Variants in SORCS2 observed in about 807,000 individuals in gnomAD.
SORCS2 encodes VPS10 domain-containing receptor SorCS2.
SORCS2 carries 100 observed loss-of-function variants against 141.6 expected under a neutral mutation model. The ratio of observed to expected loss-of-function variants is 0.71; its 90% confidence interval spans 0.60 to 0.83. SORCS2 has a LOEUF of 0.83. Among genes scored for constraint, SORCS2 ranks in the 40% least tolerant of loss-of-function variants. SORCS2 has a pLI of 0.00. For synonymous variants in SORCS2, 789 were observed against 676.9 expected, an observed-to-expected ratio of 1.17 and a Z score of -2.57; for missense variants, 1,646 against 1,560.2, an observed-to-expected ratio of 1.05 and a Z score of -0.93.
intron 3 of SORCS2, among the ~76,000 whole-genome samples, chr4:7,613,619 C>T (rs1718566040): frequency 1.3e-5 from 2 of 152,150 alleles, no homozygotes; most frequent in African/African-American, 4.8e-5. Context: ...AAGAATGACC[C>T]GTGGAGACAC....
chr4:7,263,622 G>C (rs1714514934), intron 1 of SORCS2, among the ~76,000 whole-genome samples: 1 of 152,238 alleles, frequency 6.6e-6, no homozygotes, highest in Non-Finnish European at 1.5e-5. Context: ...GCTGGCTTCA[G>C]CTAAGCCCGT....
chr4:7,694,115 G>C (rs1724442629), intron 11 of SORCS2, among the ~76,000 whole-genome samples: 1 of 152,200 alleles, frequency 6.6e-6, no homozygotes, highest in Non-Finnish European at 1.5e-5. Flanking sequence ...GTGTGGCTTT[G>C]CTCTGTTTTC....
intron 2 of SORCS2, among the ~76,000 whole-genome samples, chr4:7,459,109 G>T (rs764837734): frequency 6.6e-6 from 1 of 152,124 alleles, no homozygotes; most frequent in East Asian, 1.9e-4. Flanking sequence ...TGTGCGCAAA[G>T]GTGTGGCCCT....
Position 7,704,232 on chromosome 4 carries a change from G to C in SORCS2, c.1816G>C (p.Val606Leu). Reference sequence around the variant, plus strand: ...CACGCACAACTTCACCAGCACCTCGGTGTTTGTGGACGGGCTGCTGAGTGA... The same window carrying C: ...CACGCACAACTTCACCAGCACCTCGCTGTTTGTGGACGGGCTGCTGAGTGA... ...WSTHNFTSTS[V>L]FVDGLLSEPG... Residue 606 changes from valine to leucine, a missense_variant, in exon 14 of 27, where the codon GTG becomes CTG. By Grantham distance (32) the Val-to-Leu change is conservative. Transcript: ENST00000507866. 6.2e-7 allele frequency: 1 copy of C among 1,613,230 alleles called. No homozygotes were observed. The highest frequency in any genetic ancestry group is 8.5e-7 in the Non-Finnish European group (1 of 1,179,680).
chr4:7,493,936 T>G (rs577667598), intron 2 of SORCS2, among the ~76,000 whole-genome samples: 1 of 152,302 alleles, frequency 6.6e-6, no homozygotes, highest in African/African-American at 2.4e-5. Flanking sequence ...CACAAGCCTT[T>G]TAGTTTCCAT....
At position 7,356,602 on chromosome 4, in the gene SORCS2, C is replaced by T. The variant is rs73077897; in HGVS notation, c.481-39686C>T. ...TGACTACTTCTGCACCCACTCACCCCACAAAGCCCTCACCTCCAAATACCG... is the reference window on the plus strand; with the variant it reads ...TGACTACTTCTGCACCCACTCACCCTACAAAGCCCTCACCTCCAAATACCG... On this transcript the variant is annotated intron_variant, in intron 1 of 26. Coordinates refer to ENST00000507866, the MANE Select transcript of SORCS2 (RefSeq NM_020777.3). 5.4e-3 allele frequency among the ~76,000 whole-genome samples: 820 copies of T among 152,336 alleles called. 9 individuals are homozygous for T. The highest frequency in any genetic ancestry group is 0.019 in the African/African-American group (784 of 41,574).
At chr4:7,462,381 G>A (rs972140410) in intron 2 of SORCS2, among the ~76,000 whole-genome samples, 4 of 152,154 alleles carry the variant, frequency 2.6e-5, no homozygotes, top group Admixed American at 1.3e-4. Flanking sequence ...ATCTAAAGAC[G>A]GGCTTCGGGA....
intron 1 of SORCS2, among the ~76,000 whole-genome samples, chr4:7,377,307 A>C (rs912360088): frequency 5.3e-5 from 8 of 151,900 alleles, no homozygotes; most frequent in African/African-American, 1.7e-4. Flanking sequence ...TACAGCTTCG[A>C]ATGTTGACAA....
At chr4:7,572,790 T>A (rs1715489055) in intron 3 of SORCS2, among the ~76,000 whole-genome samples, 2 of 152,258 alleles carry the variant, frequency 1.3e-5, no homozygotes, top group Admixed American at 1.3e-4. Context: ...GTTGCATTTT[T>A]AATGTTTTTA....
intron 7 of SORCS2, among the ~76,000 whole-genome samples, chr4:7,665,237 C>A (rs1342593658): frequency 1.3e-5 from 2 of 152,194 alleles, no homozygotes; most frequent in South Asian, 4.1e-4. Flanking sequence ...CACTTGGTCA[C>A]CCCAGCAGCC....
intron 1 of SORCS2, among the ~76,000 whole-genome samples, chr4:7,268,891 C>T (rs758335450): frequency 6.6e-6 from 1 of 151,868 alleles, no homozygotes; most frequent in Non-Finnish European, 1.5e-5. Context: ...GGCTGATACT[C>T]AGGGCATTTT....
At chr4:7,434,426 G>A (rs1367682220) in intron 2 of SORCS2, 1 of 1,608,874 alleles carries the variant, frequency 6.2e-7, no homozygotes, top group Non-Finnish European at 8.5e-7. Flanking sequence ...TTGGAGAGTG[G>A]CCTCAGGGTG....
At chr4:7,472,889 C>G (rs940850148) in intron 2 of SORCS2, among the ~76,000 whole-genome samples, 34 of 151,058 alleles carry the variant, frequency 2.3e-4, no homozygotes, top group African/African-American at 7.5e-4. Flanking sequence ...AAATCACAGC[C>G]TGAGTGGATG....
chr4:7,676,283 C>A, intron 9 of SORCS2, 54 bp downstream of exon 9: 1 of 1,522,092 alleles, frequency 6.6e-7, no homozygotes. Context: ...TGCCCTCTGC[C>A]CTCTCACCCC....
chr4:7,625,867 G>A (rs755425862), intron 3 of SORCS2, among the ~76,000 whole-genome samples: 9 of 149,114 alleles, frequency 6.0e-5, no homozygotes, highest in South Asian at 4.2e-4. Flanking sequence ...GGCTGGGCGC[G>A]GTGGCTCACA....
At chr4:7,308,594 T>C (rs1258447294) in intron 1 of SORCS2, among the ~76,000 whole-genome samples, 1 of 152,106 alleles carries the variant, frequency 6.6e-6, no homozygotes, top group Non-Finnish European at 1.5e-5. Flanking sequence ...TTGGAGTTGA[T>C]ATTGCAGACA....
Position 7,714,396 on chromosome 4 carries a change from C to T in SORCS2, c.2123+23C>T, listed in dbSNP as rs149018581. On this transcript the variant is annotated intron_variant, in intron 16 of 26. Transcript: ENST00000507866. Reference sequence around the variant, plus strand: ...GTGGTGAGCGACGGGCTCCTGGCCACGAGGCCTCAGGCGCTGCTTGAGCAT... The same window carrying T: ...GTGGTGAGCGACGGGCTCCTGGCCATGAGGCCTCAGGCGCTGCTTGAGCAT... 5.0e-3 allele frequency: 7,694 copies of T among 1,546,852 alleles called. 28 individuals carry two copies. Among genetic ancestry groups the T allele is most frequent in the Admixed American group, 8.7e-3 (442 of 50,914 alleles).
At chr4:7,314,571 C>T (rs1259427654) in intron 1 of SORCS2, among the ~76,000 whole-genome samples, 1 of 152,116 alleles carries the variant, frequency 6.6e-6, no homozygotes, top group East Asian at 1.9e-4. Flanking sequence ...CATCTCCTGA[C>T]CTTGTGATCC....
intron 2 of SORCS2, among the ~76,000 whole-genome samples, chr4:7,507,231 G>A (rs1037263327): frequency 1.3e-5 from 2 of 151,506 alleles, no homozygotes; most frequent in African/African-American, 2.4e-5. Context: ...CTGGAGTGCA[G>A]TGGCGTGATC....
Sources: gnomAD v4.1 joint callset for allele counts (sites outside exome capture counted in the v4.1 genomes callset) on GRCh38, gnomAD v4.1.1 for gene constraint, MANE v1.5 for transcripts, NCBI Gene and HGNC (gene_info 2026-07-23, HGNC 2026-07-21) for gene names.